Variants in ERICH1 observed in about 807,000 individuals in gnomAD.
ERICH1 encodes the protein glutamate rich 1.
In ERICH1, 56 loss-of-function variants were observed where a neutral mutation model predicts 39.6. That is an observed-to-expected ratio of 1.41 (90% CI 1.14 to 1.77). ERICH1 has a LOEUF of 1.77. Ranked by LOEUF, ERICH1 falls within the 40% of genes most tolerant of loss-of-function variation. The pLI is 0.00. For synonymous variants in ERICH1, 313 were observed against 223.6 expected, an observed-to-expected ratio of 1.40 and a Z score of -3.57; for missense variants, 826 against 575.4, an observed-to-expected ratio of 1.44 and a Z score of -4.45.
At chr8:656,662 G>T (rs1800701999) in intron 3 of ERICH1, 3 of 849,500 alleles carry the variant, frequency 3.5e-6, no homozygotes, top group East Asian at 1.2e-4. Flanking sequence ...GAATTTTGGG[G>T]CTTACTTGCC....
chr8:704,271 G>T (rs1449186164), intron 2 of ERICH1, among the ~76,000 whole-genome samples: 1 of 151,856 alleles, frequency 6.6e-6, no homozygotes, highest in African/African-American at 2.4e-5. Context: ...AAAAGACTGA[G>T]GCCCAGGACA....
intron 3 of ERICH1, chr8:656,693 C>G (rs1023902951): frequency 4.2e-6 from 4 of 948,980 alleles, no homozygotes; most frequent in Non-Finnish European, 3.8e-6. Context: ...AAGGACATCC[C>G]CATTCACGCT....
chr8:678,894 C>T (rs1362113994), intron 3 of ERICH1, among the ~76,000 whole-genome samples: 2 of 152,136 alleles, frequency 1.3e-5, no homozygotes, highest in Non-Finnish European at 2.9e-5. Context: ...TCCAACGTCC[C>T]TCACGGCTCT....
intron 3 of ERICH1, among the ~76,000 whole-genome samples, chr8:681,942 C>T (rs781574359): frequency 2.6e-5 from 4 of 152,222 alleles, no homozygotes; most frequent in Non-Finnish European, 5.9e-5. Context: ...GACGTCTGAT[C>T]GCCCTGTCTG....
chr8:656,772 G>C (rs943909354), intron 3 of ERICH1: 1 of 985,324 alleles, frequency 1.0e-6, no homozygotes, highest in African/African-American at 1.7e-5. Flanking sequence ...TGTGCCAAAC[G>C]GTGCACAGCA....
intron 2 of ERICH1, among the ~76,000 whole-genome samples, chr8:703,627 A>G (rs1030685589): frequency 3.3e-5 from 5 of 152,196 alleles, no homozygotes; most frequent in Admixed American, 3.3e-4. Flanking sequence ...GTCCATAGAG[A>G]GTGTGAGAGA....
At chr8:699,327 G>C (rs936646245) in intron 2 of ERICH1, among the ~76,000 whole-genome samples, 3 of 152,170 alleles carry the variant, frequency 2.0e-5, no homozygotes, top group African/African-American at 4.8e-5. Context: ...ACAGAAGAGT[G>C]GACGCCACCC....
intron 1 of ERICH1, among the ~76,000 whole-genome samples, chr8:730,806 G>C (rs1819809224): frequency 6.6e-6 from 1 of 152,214 alleles, no homozygotes; most frequent in Non-Finnish European, 1.5e-5. Flanking sequence ...CCTCTGAAGA[G>C]CTGAGCGGCT....
rs1359266225 is a variant in ERICH1 at position 708,690 on chromosome 8, T to TTG, written c.169+7170_169+7171insCA. ...GGTTACGGGATAATGAGTTTTTTTT[T>TTG]TTTTTTTTTTTTTTTTTTTTTGAGA... On this transcript the variant is annotated intron_variant, in intron 2 of 5. Transcript: ENST00000262109. Among the ~76,000 whole-genome samples the TTG allele has an allele frequency of 8.3e-3, 645 of 77,746 alleles. 47 individuals are homozygous for TTG. The highest frequency in any genetic ancestry group is 0.032 in the African/African-American group (594 of 18,606). 51.0% of individuals were successfully genotyped at this position (77,746 alleles called of 152,430 possible).
At chr8:730,948 C>T (rs1311544449) in intron 1 of ERICH1, among the ~76,000 whole-genome samples, 192 bp downstream of exon 1, 1 of 150,336 alleles carries the variant, frequency 6.7e-6, no homozygotes, top group African/African-American at 2.4e-5. Flanking sequence ...AGCAACAACA[C>T]GGGCGAGGGG....
chr8:669,576 C>G (rs1036632757), intron 4 of ERICH1, among the ~76,000 whole-genome samples: 2 of 150,202 alleles, frequency 1.3e-5, no homozygotes, highest in African/African-American at 4.9e-5. Context: ...CCCGTCTACA[C>G]GTCTGTCTGG....
intron 1 of ERICH1, among the ~76,000 whole-genome samples, chr8:722,161 C>A (rs892997096): frequency 1.3e-5 from 2 of 151,916 alleles, no homozygotes; most frequent in Admixed American, 6.6e-5. Context: ...ACTTGAAACT[C>A]TAGTGCCCAT....
At position 707,695 on chromosome 8, in the gene ERICH1, G is replaced by A. The variant is rs182172891; in HGVS notation, c.169+8166C>T. On this transcript the variant is annotated intron_variant, in intron 2 of 5. Transcript: ENST00000262109. ...AAGTGCTAAAACTATAAAACTCTTA[G>A]AAGAAAACCTAGGCATAAATCTTTG... 1.1e-3 allele frequency among the ~76,000 whole-genome samples: 163 copies of A among 152,256 alleles called. No homozygotes were observed. In the Middle Eastern group the frequency reaches 0.014, roughly 13 times the overall value.
chr8:645,970 T>C (rs111264045), intron 3 of ERICH1, among the ~76,000 whole-genome samples: 2 of 70,134 alleles, frequency 2.9e-5, no homozygotes, highest in African/African-American at 7.2e-5. Flanking sequence ...CTGAGATGCA[T>C]GTTTTTGGCA....
chr8:704,222 G>A (rs935242853), intron 2 of ERICH1, among the ~76,000 whole-genome samples: 5 of 152,124 alleles, frequency 3.3e-5, no homozygotes, highest in African/African-American at 9.7e-5. Flanking sequence ...AGTTACTAAC[G>A]AACGCATTTC....
intron 3 of ERICH1, among the ~76,000 whole-genome samples, chr8:685,992 CAAA>C (rs33933491): frequency 1.1e-3 from 135 of 128,428 alleles, no homozygotes; most frequent in Middle Eastern, 4.1e-3. Flanking sequence ...TAAAAAATAC[CAAA>C]AAAAAAAAAA....
At chr8:630,941 A>ACTCACACCCTCCTGTGAGCACC (rs1554480735) in intron 3 of ERICH1, among the ~76,000 whole-genome samples, 1 of 148,168 alleles carries the variant, frequency 6.7e-6, no homozygotes, top group South Asian at 2.2e-4. Flanking sequence ...GACAGAGCTG[A>ACTCACACCCTCCTGTGAGCACC]CACACACCCT....
chr8:668,446 C>T, intron 5 of ERICH1, 152 bp downstream of exon 5: 1 of 692,906 alleles, frequency 1.4e-6, no homozygotes, highest in East Asian at 2.7e-5. Context: ...TGCAGGAAGC[C>T]TGTTTCTCTC....
At chr8:669,094 G>A (rs1403782309) in intron 4 of ERICH1, 2 of 337,170 alleles carry the variant, frequency 5.9e-6, no homozygotes, top group East Asian at 1.2e-4. Context: ...TCTGTCTGGT[G>A]AGACGCCTCC....
Sources: allele counts gnomAD v4.1 joint callset (sites outside exome capture counted in the v4.1 genomes callset), GRCh38; gene constraint gnomAD v4.1.1; transcripts MANE v1.5; gene names NCBI Gene and HGNC (gene_info 2026-07-23, HGNC 2026-07-21).